The following TNXB variants were observed in gnomAD, a reference collection of about 807,000 sequenced individuals.
The protein encoded by TNXB is tenascin XB, also known as tenascin-X.
TNXB carries 183 observed loss-of-function variants against 340.5 expected under a neutral mutation model. That is an observed-to-expected ratio of 0.54 (90% confidence interval 0.48 to 0.61). The LOEUF is 0.61. TNXB is among the 20% of genes least tolerant of loss of function. The pLI is 0.00. For missense variants in TNXB, 4,613 were observed against 5,446.4 expected (o/e 0.85, Z 4.82); for synonymous variants, 2,121 against 2,314.5 (o/e 0.92, Z 2.40).
Position 32,043,997 on chromosome 6 carries a change from A to G in TNXB, c.11386+10T>C. 1 of 1,601,480 alleles carries G rather than the reference A, an allele frequency of 6.2e-7. No homozygotes were observed. The highest frequency in any genetic ancestry group is 8.5e-7 in the Non-Finnish European group (1 of 1,174,790). On this transcript the variant is annotated intron_variant, in intron 34 of 43. Transcript: ENST00000644971. Reference sequence around the variant, plus strand: ...AATGCGAGGCGATGAGCACATGGCAAAGGCACCACCTCCGTCCGCCAGCTG... The same window carrying G: ...AATGCGAGGCGATGAGCACATGGCAGAGGCACCACCTCCGTCCGCCAGCTG...
In TNXB at chr6:32,087,454, C is replaced by T. The variant is rs1417808856; in HGVS notation, c.2779+1331G>A. The T allele has an allele frequency of 2.1e-6, 1 of 486,720 alleles. No homozygotes were observed. Among genetic ancestry groups the T allele is most frequent in the Non-Finnish European group, 4.1e-6 (1 of 245,290 alleles). The allele number at this position is 486,720 out of a possible 1,614,324, so 30.2% of individuals were successfully genotyped here. A position where few individuals can be genotyped will look rare whatever the true frequency, so the allele number is the denominator to read the frequency against. ...CACGCGCTCGAACTGGCCGCGGAGC[C>T]CGTCGAGAGACACGAGAAGCGCGCC... On this transcript the variant is annotated intron_variant, in intron 6 of 43. Transcript: ENST00000644971. The surrounding 1 kb of genome is among the most constrained non-coding windows in gnomAD (Gnocchi z 9.0).
Position 32,061,403 on chromosome 6 carries a change from C to T in TNXB, c.7486G>A (p.Val2496Met), listed in dbSNP as rs182362312. The T allele has an allele frequency of 1.7e-4, 271 of 1,612,462 alleles. 6 individuals carry two copies. In the African/African-American group the frequency reaches 3.2e-3, roughly 19 times the overall value. The part of the protein sequence containing the change: ...RRVGPVSTVG[V>M]TAPQEDVDET... The stretch of plus-strand genomic sequence containing the variant: ...GACTCCAAGCACTACTCACCAGTCA[C>T]GCCCACGGTGGACACCGGGCCCACG... The change falls in exon 21 of 44, where the codon GTG becomes ATG. Residue 2496 changes from valine (V) to methionine (M), a missense_variant. Physicochemically the swap from Val to Met is conservative, Grantham distance 21 (BLOSUM62 1). This residue lies in a region of TNXB where 4,327 missense variants were observed against 4,859.4 expected (regional missense o/e 0.89). Coordinates refer to ENST00000644971, the MANE Select transcript of TNXB (RefSeq NM_001365276.2). This position sits in a 1 kb window ranked among gnomAD's most constrained non-coding sequence, Gnocchi z 4.4.
intron 18 of TNXB, among the ~76,000 whole-genome samples, chr6:32,066,677 A>G (rs1206027702): frequency 6.6e-6 from 1 of 152,240 alleles, no homozygotes; most frequent in African/African-American, 2.4e-5. Context: ...GATCGTGGTG[A>G]TGGCTGCACA....
In TNXB at chr6:32,108,355, G is replaced by C. The variant is rs1039974018; in HGVS notation, c.-9+826C>G. Reference sequence around the variant, plus strand: ...GGGGCGTGTCACGTGTACTGGTGGTGGGGGGCGGGGGCGGCGAGGTGAGGG... The same window carrying C: ...GGGGCGTGTCACGTGTACTGGTGGTCGGGGGCGGGGGCGGCGAGGTGAGGG... On this transcript the variant is annotated intron_variant, in intron 1 of 43. Coordinates refer to ENST00000644971, the MANE Select transcript of TNXB (RefSeq NM_001365276.2). The surrounding 1 kb of genome is among the most constrained non-coding windows in gnomAD (Gnocchi z 4.8). Among the ~76,000 whole-genome samples the C allele has an allele frequency of 6.6e-6, 1 of 151,944 alleles. No homozygotes were observed. Among genetic ancestry groups the C allele is most frequent in the African/African-American group, 2.4e-5 (1 of 41,410 alleles).
At position 32,058,421 on chromosome 6, in the gene TNXB, T is replaced by A. The variant is rs1179705700; in HGVS notation, c.7493-31A>T. The A allele has an allele frequency of 6.7e-7, 1 of 1,497,248 alleles. No individual in the cohort carries two copies. The allele number at this position is 1,497,248 out of a possible 1,614,324, so 92.7% of individuals were successfully genotyped here. Reference sequence around the variant, plus strand: ...AGGTAATATAGGGGGATACAGAGTTTAAGGGTTTAAGGGCAACTTGCTTTG... The same window carrying A: ...AGGTAATATAGGGGGATACAGAGTTAAAGGGTTTAAGGGCAACTTGCTTTG... On this transcript the variant is annotated intron_variant, in intron 21 of 43. Coordinates refer to ENST00000644971, the MANE Select transcript of TNXB (RefSeq NM_001365276.2). The surrounding 1 kb of genome is among the most constrained non-coding windows in gnomAD (Gnocchi z 5.1).
Position 32,095,825 on chromosome 6 carries a change from C to T in TNXB, c.2028G>A (p.Glu676=), listed in dbSNP as rs1411729695. The change falls in exon 3 of 44, where the codon GAG becomes GAA. Residue 676 remains glutamate, a synonymous_variant. Coordinates refer to ENST00000644971, the MANE Select transcript of TNXB (RefSeq NM_001365276.2). Reference sequence around the variant, plus strand: ...CTGGAGGCTCTTCCTGCCCGCAGTCCTCACCGCCATAGCCCACGTGGCACA... The same window carrying T: ...CTGGAGGCTCTTCCTGCCCGCAGTCTTCACCGCCATAGCCCACGTGGCACA... ...VCLCHVGYGG[E]DCGQEEPPAS... 1 of 1,612,450 alleles carries T rather than the reference C, an allele frequency of 6.2e-7. No homozygotes were observed. The highest frequency in any genetic ancestry group is 8.5e-7 in the Non-Finnish European group (1 of 1,179,360).
At chr6:32,063,750 A>T (rs899220943) in intron 19 of TNXB, among the ~76,000 whole-genome samples, 1 of 152,160 alleles carries the variant, frequency 6.6e-6, no homozygotes, top group Non-Finnish European at 1.5e-5. Flanking sequence ...GGTATTACAA[A>T]TTCATCACAT....
In TNXB at chr6:32,096,083, G is replaced by A. The variant is rs776731133; in HGVS notation, c.1770C>T (p.Cys590=). 1.9e-6 allele frequency: 3 copies of A among 1,611,470 alleles called. No individual in the cohort carries two copies. Among genetic ancestry groups the A allele is most frequent in the East Asian group, 4.5e-5 (2 of 44,832 alleles). The change falls in exon 3 of 44, where the codon TGC becomes TGT. Residue 590 remains cysteine, a synonymous_variant. Transcript: ENST00000644971. ...CGCCGTGCTGGCTGCAGTCATTCGGGCACTGCCTCACACCGCAATCCTCGC... is the reference window on the plus strand; with the variant it reads ...CGCCGTGCTGGCTGCAGTCATTCGGACACTGCCTCACACCGCAATCCTCGC... ...YSGEDCGVRQ[C]PNDCSQHGVC...
At position 32,070,164 on chromosome 6, in the gene TNXB, C is replaced by T. The variant is rs773269666; in HGVS notation, c.5241G>A (p.Lys1747=). The T allele has an allele frequency of 6.3e-7, 1 of 1,599,106 alleles. No homozygotes were observed. The highest frequency in any genetic ancestry group is 8.5e-7 in the Non-Finnish European group (1 of 1,171,110). The change falls in exon 14 of 44, where the codon AAG becomes AAA. Residue 1747 remains lysine, a synonymous_variant. Coordinates refer to ENST00000644971, the MANE Select transcript of TNXB (RefSeq NM_001365276.2). The surrounding 1 kb of genome is among the most constrained non-coding windows in gnomAD (Gnocchi z 6.0). ...YRFLLYGLLG[K]KRHGPLTADG... ...CGGCAGTGAGAGGGCCATGGCGCTT[C>T]TTGCCCAGGAGGCCATAGAGGAGGA... is the stretch of plus-strand genomic sequence containing the variant.
Position 32,082,921 on chromosome 6 carries a change from C to T in TNXB, c.3446-595G>A, listed in dbSNP as rs147201828. On this transcript the variant is annotated intron_variant, in intron 8 of 43. Transcript: ENST00000644971. This position sits in a 1 kb window ranked among gnomAD's most constrained non-coding sequence, Gnocchi z 5.0. ...CAAGCTACTGTCACACCCCTCCTCA[C>T]CCCCACTCTGTGTGCATCTCTCTCT... Among the ~76,000 whole-genome samples the T allele has an allele frequency of 6.6e-6, 1 of 152,246 alleles. No individual in the cohort carries two copies. The highest frequency in any genetic ancestry group is 2.4e-5 in the African/African-American group (1 of 41,524).
Position 32,048,591 on chromosome 6 carries a change from C to T in TNXB, c.9817G>A (p.Val3273Met), listed in dbSNP as rs1473507178. The T allele has an allele frequency of 9.8e-6, 15 of 1,533,370 alleles. No individual in the cohort carries two copies. The highest frequency in any genetic ancestry group is 7.6e-5 in the South Asian group (6 of 79,148). 95.0% of individuals were successfully genotyped at this position (1,533,370 alleles called of 1,614,324 possible). ...PRLGELAVAA[V>M]TSDSVGLSWT... ...GAGAGGCCCACTGAGTCCGAGGTCA[C>T]GGCCGCCACCGCCAGCTCCCCCAGG... The change falls in exon 29 of 44, where the codon GTG (valine) becomes ATG (methionine). Residue 3273 changes from valine to methionine, a missense_variant. By Grantham distance (21) the Val-to-Met change is conservative. Coordinates refer to ENST00000644971, the MANE Select transcript of TNXB (RefSeq NM_001365276.2).
Position 32,049,465 on chromosome 6 carries a change from C to T in TNXB, c.9562G>A (p.Val3188Ile), listed in dbSNP as rs41258944. The change falls in exon 28 of 44, where the codon GTC (valine) becomes ATC (isoleucine). Residue 3188 changes from valine to isoleucine, a missense_variant. Coordinates refer to ENST00000644971, the MANE Select transcript of TNXB (RefSeq NM_001365276.2). The surrounding 1 kb of genome is among the most constrained non-coding windows in gnomAD (Gnocchi z 4.5). ...AAGGAGTCGAAGCGGCCCTGGGGGA[C>T]GGTCCAGGAGAGGCTCAGCGAGTCA... ...SPDSLSLSWT[V>I]PQGRFDSFTV... 95,750 of 1,612,640 alleles carry T rather than the reference C, an allele frequency of 0.059. 3,258 individuals are homozygous for T. The highest frequency in any genetic ancestry group is 0.11 in the African/African-American group (8,535 of 74,962).
chr6:32,055,462 G>A (rs1274969201), intron 24 of TNXB, among the ~76,000 whole-genome samples: 1 of 152,152 alleles, frequency 6.6e-6, no homozygotes, highest in Non-Finnish European at 1.5e-5. Context: ...CTTCCAGAGT[G>A]TGCAGTCGAC....
Position 32,069,531 on chromosome 6 carries a change from GT to G in TNXB, c.5587+21del. 6.5e-7 allele frequency: 1 copy of G among 1,534,308 alleles called. No individual in the cohort carries two copies. Among genetic ancestry groups the G allele is most frequent in the East Asian group, 2.3e-5 (1 of 44,114 alleles). ...AGCCAGGCGGGAAGGAGGCACAGGTGTTCCAGCTGCCGCACACTCACCAGTA... is the reference window on the plus strand; with the variant it reads ...AGCCAGGCGGGAAGGAGGCACAGGTGTCCAGCTGCCGCACACTCACCAGTA... On this transcript the variant is annotated intron_variant, in intron 15 of 43. Coordinates refer to ENST00000644971, the MANE Select transcript of TNXB (RefSeq NM_001365276.2). The surrounding 1 kb of genome is among the most constrained non-coding windows in gnomAD (Gnocchi z 6.2).
chr6:32,097,272 T>G lies in TNXB; in HGVS notation c.581A>C (p.Gln194Pro), dbSNP rs1054443915. The G allele has an allele frequency of 6.2e-7, 1 of 1,612,990 alleles. No individual in the cohort carries two copies. Among genetic ancestry groups the G allele is most frequent in the Admixed American group, 1.7e-5 (1 of 59,836 alleles). Residue 194 changes from glutamine to proline, a missense_variant, in exon 3 of 44, where the codon CAG (glutamine) becomes CCG (proline). Transcript: ENST00000644971. The surrounding 1 kb of genome is among the most constrained non-coding windows in gnomAD (Gnocchi z 5.9). ...SGSCPDDCND[Q>P]GRCVRGRCVC... ...GCAACGACCACGGACACAGCGACCC[T>G]GATCATTGCAGTCATCTGGGCAGGA...
At position 32,090,868 on chromosome 6, in the gene TNXB, T is replaced by C. The variant is rs755996802; in HGVS notation, c.2359-1489A>G. On this transcript the variant is annotated intron_variant, in intron 4 of 43. Coordinates refer to ENST00000644971, the MANE Select transcript of TNXB (RefSeq NM_001365276.2). The surrounding 1 kb of genome is among the most constrained non-coding windows in gnomAD (Gnocchi z 4.3). ...CTCTGTGTGTGTGTATGTCTCTTTC[T>C]CTTTATCCACACCCACCCCATCCCC... Among the ~76,000 whole-genome samples, 3 of 152,164 alleles carry C rather than the reference T, an allele frequency of 2.0e-5. No homozygotes were observed. The highest frequency in any genetic ancestry group is 4.4e-5 in the Non-Finnish European group (3 of 68,028).
At position 32,042,157 on chromosome 6, in the gene TNXB, G is replaced by A. The variant is rs1218271770; in HGVS notation, c.12324C>T (p.His4108=). The change falls in exon 42 of 44, where the codon CAC becomes CAT. Residue 4108 remains histidine, a synonymous_variant. Transcript: ENST00000644971. ...GEFWLGNEAL[H]SLTQAGDYSM... The stretch of plus-strand genomic sequence containing the variant: ...AGTAGTCACCTGCCTGTGTCAGGCT[G>A]TGCAGGGCCTCATTGCCTGGGGGTG... 1.5e-6 allele frequency: 1 copy of A among 674,274 alleles called. No individual in the cohort carries two copies. Among genetic ancestry groups the A allele is most frequent in the East Asian group, 2.8e-5 (1 of 35,290 alleles). The allele number at this position is 674,274 out of a possible 1,614,324, so 41.8% of individuals were successfully genotyped here.
chr6:32,081,533 C>T lies in TNXB; in HGVS notation c.3877G>A (p.Val1293Ile). 6.2e-7 allele frequency: 1 copy of T among 1,606,896 alleles called. No individual in the cohort carries two copies. Among genetic ancestry groups the T allele is most frequent in the Non-Finnish European group, 8.5e-7 (1 of 1,176,856 alleles). The part of the protein sequence containing the change: ...VAQGPFDSFM[V>I]QYKDAQGQPQ... ...TGCCCCTGTGCATCCTTGTACTGGA[C>T]CATGAATGAGTCGAAGGGGCCCTGG... Residue 1293 changes from valine (V) to isoleucine (I), a missense_variant, in exon 10 of 44, where the codon GTC becomes ATC. Transcript: ENST00000644971. The surrounding 1 kb of genome is among the most constrained non-coding windows in gnomAD (Gnocchi z 5.1).
chr6:32,049,824 C>T lies in TNXB; in HGVS notation c.9439+174G>A, dbSNP rs1179422397. On this transcript the variant is annotated intron_variant, in intron 27 of 43. Transcript: ENST00000644971. The surrounding 1 kb of genome is among the most constrained non-coding windows in gnomAD (Gnocchi z 4.5). ...AAACTCCTGATGGCCCCTCCCTGCT[C>T]AGGGGGAGCCAGGGGTCAACCACAT... is the stretch of plus-strand genomic sequence containing the variant. Among the ~76,000 whole-genome samples, 1 of 152,172 alleles carries T rather than the reference C, an allele frequency of 6.6e-6. No individual in the cohort carries two copies. Among genetic ancestry groups the T allele is most frequent in the Non-Finnish European group, 1.5e-5 (1 of 68,014 alleles).
Sources: gnomAD v4.1 joint callset for allele counts (sites outside exome capture counted in the v4.1 genomes callset) on GRCh38, gnomAD v4.1.1 for gene constraint, gnomAD v4.1.1 regional missense constraint, Gnocchi (gnomAD v3.1) non-coding constraint, MANE v1.5 for transcripts, NCBI Gene and HGNC (gene_info 2026-07-23, HGNC 2026-07-21) for gene names.